The following RSRP1 variants were observed in gnomAD, a reference collection of about 807,000 sequenced individuals.
The protein encoded by RSRP1 is arginine/serine-rich protein 1.
Under a neutral mutation model 33.0 loss-of-function variants are expected in RSRP1, and 37 were observed. The observed-to-expected ratio is 1.12, with a 90% confidence interval of 0.86 to 1.48. The LOEUF (loss-of-function observed/expected upper bound fraction) is 1.48, where lower values mean the gene tolerates loss of function less well. Ranked by LOEUF, RSRP1 falls within the 40% of genes most tolerant of loss-of-function variation. The pLI is 0.00. For synonymous variants in RSRP1, 167 were observed against 158.7 expected (o/e 1.05, Z -0.40); for missense variants, 402 against 385.3 (o/e 1.04, Z -0.36).
Position 25,329,082 on chromosome 1 carries a change from C to T in RSRP1, c.-67+8896G>A, listed in dbSNP as rs1245628696. On this transcript the variant is annotated intron_variant, in intron 1 of 1. Coordinates refer to the RSRP1 transcript ENST00000561867. ...AAAATGGAGTTGAATCCTTTCTCTG[C>T]CACTCTTTGAGGAGAATCTCACCAT... 1.4e-5 allele frequency: 18 copies of T among 1,306,910 alleles called. 5 individuals carry two copies. The highest frequency in any genetic ancestry group is 1.7e-5 in the Non-Finnish European group (16 of 921,366). The allele number at this position is 1,306,910 out of a possible 1,614,324, so 81.0% of individuals were successfully genotyped here. A position where few individuals can be genotyped will look rare whatever the true frequency, so the allele number is the denominator to read the frequency against.
In RSRP1 at chr1:25,295,849, AATTTTTTTTTTTT is replaced by A. The variant is rs1162568425; in HGVS notation, c.-67+42116_-67+42128del. ...CAATGGTCTGGGAGGGAATATGGGA[AATTTTTTTTTTTT>A]TTTTTTTTTTTTTTTTTGAGATGGA... On this transcript the variant is annotated intron_variant, in intron 1 of 1. Coordinates refer to the RSRP1 transcript ENST00000561867. Among the ~76,000 whole-genome samples, 118 of 33,724 alleles carry A rather than the reference AATTTTTTTTTTTT, an allele frequency of 3.5e-3. 7 individuals carry two copies. The highest frequency in any genetic ancestry group is 6.1e-3 in the African/African-American group (105 of 17,216). 22.1% of individuals were successfully genotyped at this position (33,724 alleles called of 152,430 possible). A position where few individuals can be genotyped will look rare whatever the true frequency, so the allele number is the denominator to read the frequency against.
intron 1 of RSRP1, chr1:25,329,550 C>CT (rs35558497): frequency 5.9e-6 from 1 of 170,348 alleles, no homozygotes; most frequent in Admixed American, 6.1e-5. Context: ...GCCTTGTTTG[C>CT]TTTTTTAACA....
chr1:25,336,915 A>C (rs1343216574), intron 1 of RSRP1: 3 of 151,970 alleles, frequency 2.0e-5, no homozygotes, highest in Non-Finnish European at 4.4e-5. Context: ...AAAAACCCAA[A>C]GGGATGAAAG....
intron 1 of RSRP1, 71 bp from the exon 2 acceptor site, chr1:25,247,100 C>A: frequency 3.1e-6 from 3 of 967,234 alleles, no homozygotes; most frequent in South Asian, 2.4e-5. Context: ...AAGCCACAGT[C>A]GGGGAACCTC....
chr1:25,278,730 G>A (rs1641226132), intron 1 of RSRP1, among the ~76,000 whole-genome samples: 1 of 131,942 alleles, frequency 7.6e-6, no homozygotes, highest in African/African-American at 2.6e-5. Context: ...AGAGAGAGGG[G>A]CTACTAGAAG....
rs372685109 is a variant in RSRP1, at chr1:25,267,889, G to T, written c.-66-20860C>A. On this transcript the variant is annotated intron_variant, in intron 1 of 1. Coordinates refer to the RSRP1 transcript ENST00000561867. ...GAACCCAGAGCGGCGGAAAGCCCCT[G>T]AACCCAGCGCCCGGGCATGCGCAGA... 3.8e-5 allele frequency: 5 copies of T among 132,244 alleles called. 1 individual carries two copies. Among genetic ancestry groups the T allele is most frequent in the African/African-American group, 1.3e-4 (5 of 38,820 alleles). The allele number at this position is 132,244 out of a possible 1,614,324, so 8.2% of individuals were successfully genotyped here. A position where few individuals can be genotyped will look rare whatever the true frequency, so the allele number is the denominator to read the frequency against.
chr1:25,306,717 C>A lies in RSRP1; in HGVS notation c.-67+31261G>T, dbSNP rs756982993. On this transcript the variant is annotated intron_variant, in intron 1 of 1. Transcript: ENST00000561867. ...CTGCTGGTGCTTGATACCGTCGGAG[C>A]CGGCAATGGCATGTGGGTCACTGGG... 122 of 1,377,432 alleles carry A rather than the reference C, an allele frequency of 8.9e-5. 21 individuals are homozygous for A. The highest frequency in any genetic ancestry group is 5.6e-4 in the African/African-American group (39 of 69,970). 85.3% of individuals were successfully genotyped at this position (1,377,432 alleles called of 1,614,324 possible). A position where few individuals can be genotyped will look rare whatever the true frequency, so the allele number is the denominator to read the frequency against.
chr1:25,243,740 A>G, intron 3 of RSRP1, 107 bp from the exon 4 acceptor site: 1 of 1,484,760 alleles, frequency 6.7e-7, no homozygotes, highest in Non-Finnish European at 9.0e-7. Context: ...GTAGACACAA[A>G]AATCAACTTG....
At chr1:25,247,578 C>G (rs1381834602), upstream of RSRP1, 2 of 152,310 alleles carry the variant, frequency 1.3e-5, no homozygotes, top group Non-Finnish European at 2.9e-5. Context: ...CCTCCCTCCC[C>G]AAGCCGCGCC....
rs1324421058 is a variant in RSRP1, at chr1:25,281,173, AT to A, written c.-66-34145del. 1.5e-5 allele frequency among the ~76,000 whole-genome samples: 2 copies of A among 132,510 alleles called. 1 individual carries two copies. Among genetic ancestry groups the A allele is most frequent in the East Asian group, 3.9e-4 (2 of 5,146 alleles). The allele number at this position is 132,510 out of a possible 152,430, so 86.9% of individuals were successfully genotyped here. Reference sequence around the variant, plus strand: ...CCTGTGCAAGGACATAGTTCCAGGCATTCAGAGCTGGGCTCTGCTGCCGGCA... The same window carrying A: ...CCTGTGCAAGGACATAGTTCCAGGCATCAGAGCTGGGCTCTGCTGCCGGCA... On this transcript the variant is annotated intron_variant, in intron 1 of 1. Coordinates refer to the RSRP1 transcript ENST00000561867.
rs1443056447 is a variant in RSRP1, at chr1:25,292,750, A to G, written c.-67+45228T>C. On this transcript the variant is annotated intron_variant, in intron 1 of 1. Coordinates refer to the RSRP1 transcript ENST00000561867. The stretch of plus-strand genomic sequence containing the variant: ...GTGGAAAGGTTAGGGCTAGGGATAT[A>G]AATTTGGGAGTTGTTACAATACAGA... Among the ~76,000 whole-genome samples, 2 of 124,578 alleles carry G rather than the reference A, an allele frequency of 1.6e-5. 1 individual carries two copies. The highest frequency in any genetic ancestry group is 3.8e-5 in the Non-Finnish European group (2 of 52,660). The allele number at this position is 124,578 out of a possible 152,430, so 81.7% of individuals were successfully genotyped here.
At chr1:25,243,018 A>T (rs1638994005) in intron 4 of RSRP1, among the ~76,000 whole-genome samples, 1 of 152,102 alleles carries the variant, frequency 6.6e-6, no homozygotes. Flanking sequence ...TGAACCCAGG[A>T]GGCAGGCAGA....
At chr1:25,336,754 G>C (rs1017566758) in intron 1 of RSRP1, among the ~76,000 whole-genome samples, 27 of 151,324 alleles carry the variant, frequency 1.8e-4, no homozygotes, top group African/African-American at 6.4e-4. Context: ...GTTTCATTAA[G>C]AACTGCCTGC....
chr1:25,328,759 C>A, intron 1 of RSRP1: 1 of 433,222 alleles, frequency 2.3e-6, no homozygotes. Flanking sequence ...ACCTATATAT[C>A]CAAGATCTCT....
rs1413539503 is a variant in RSRP1, at chr1:25,307,080, C to T, written c.-67+30898G>A. The T allele has an allele frequency of 7.0e-5, 23 of 326,614 alleles. 2 individuals carry two copies. The highest frequency in any genetic ancestry group is 3.8e-4 in the South Asian group (17 of 45,256). 20.2% of individuals were successfully genotyped at this position (326,614 alleles called of 1,614,324 possible). ...CTTTGCTGTGGACGTGCTCCCACTG[C>T]GTACTAGCTGGGCATGTGGCTTAAC... On this transcript the variant is annotated intron_variant, in intron 1 of 1. Transcript: ENST00000561867.
intron 1 of RSRP1, among the ~76,000 whole-genome samples, chr1:25,285,876 C>T (rs1380000650): frequency 7.5e-6 from 1 of 133,688 alleles, no homozygotes; most frequent in Non-Finnish European, 1.8e-5. Context: ...TTCCAGCCTC[C>T]CCTTCTAAGA....
chr1:25,284,522 A>G (rs767278754), intron 1 of RSRP1: 1 of 1,353,642 alleles, frequency 7.4e-7, no homozygotes, highest in Non-Finnish European at 1.0e-6. Flanking sequence ...ATACCACCCT[A>G]AATCTCGTCT....
chr1:25,242,733 C>T (rs1638950610), intron 4 of RSRP1, 28 bp from the exon 5 acceptor site: 2 of 1,411,708 alleles, frequency 1.4e-6, no homozygotes, highest in Non-Finnish European at 2.0e-6. Context: ...CAGTCAGCTT[C>T]CCAAACATAC....
intron 1 of RSRP1, chr1:25,318,267 T>G (rs1644511485): frequency 7.8e-6 from 1 of 127,518 alleles, no homozygotes; most frequent in Admixed American, 7.6e-5. Flanking sequence ...GAGCCGAGAC[T>G]CTGTCTAAAA....
Sources: allele counts gnomAD v4.1 joint callset (sites outside exome capture counted in the v4.1 genomes callset), GRCh38; gene constraint gnomAD v4.1.1; transcripts MANE v1.5; gene names NCBI Gene and HGNC (gene_info 2026-07-23, HGNC 2026-07-21).